The following SRPK1 variants were observed in gnomAD, a reference collection of about 807,000 sequenced individuals.
The protein encoded by SRPK1 is SFRS protein kinase 1.
In SRPK1, 52 loss-of-function variants were observed where a neutral mutation model predicts 89.5. The observed-to-expected ratio is 0.58, with a 90% CI of 0.46 to 0.73. SRPK1 has a LOEUF of 0.73. SRPK1 is among the 30% of genes least tolerant of loss of function. SRPK1 has a pLI of 0.00. For missense variants in SRPK1, 603 were observed against 780.6 expected (o/e 0.77, Z 2.71); for synonymous variants, 255 against 270.2 (o/e 0.94, Z 0.55).
At chr6:35,867,149 A>G (rs1322064972) in intron 12 of SRPK1, among the ~76,000 whole-genome samples, 1 of 152,194 alleles carries the variant, frequency 6.6e-6, no homozygotes, top group Non-Finnish European at 1.5e-5. Flanking sequence ...TACCTCATGA[A>G]CATATACAAA....
At chr6:35,858,170 T>C (rs1292738163) in intron 12 of SRPK1, among the ~76,000 whole-genome samples, 1 of 152,222 alleles carries the variant, frequency 6.6e-6, no homozygotes, top group African/African-American at 2.4e-5. Context: ...CCATTTATTA[T>C]ACTAGTGTCA....
At chr6:35,858,352 A>G (rs1581999218) in intron 12 of SRPK1, among the ~76,000 whole-genome samples, 1 of 152,138 alleles carries the variant, frequency 6.6e-6, no homozygotes, top group South Asian at 2.1e-4. Flanking sequence ...AAAAAAAAAA[A>G]TTAAGATGCA....
chr6:35,870,224 TGA>T, intron 10 of SRPK1, 55 bp downstream of exon 10: 1 of 1,473,626 alleles, frequency 6.8e-7, no homozygotes, highest in Non-Finnish European at 9.3e-7. Context: ...TATATAGCAA[TGA>T]TAAATTAACG....
intron 12 of SRPK1, among the ~76,000 whole-genome samples, chr6:35,861,829 C>A (rs1769789030): frequency 2.6e-5 from 4 of 152,186 alleles, no homozygotes; most frequent in Admixed American, 2.6e-4. Flanking sequence ...CCCACAGTTT[C>A]TTGCCCATGC....
intron 2 of SRPK1, among the ~76,000 whole-genome samples, chr6:35,901,791 A>AT (rs35194167): frequency 6.6e-6 from 1 of 152,096 alleles, no homozygotes; most frequent in South Asian, 2.1e-4. Flanking sequence ...TTCCTGAAAG[A>AT]TTTTTTTCTT....
chr6:35,880,168 T>TA (rs200976261), intron 6 of SRPK1, among the ~76,000 whole-genome samples: 75 of 132,964 alleles, frequency 5.6e-4, no homozygotes, highest in African/African-American at 1.2e-3. Context: ...TTAATGAGGA[T>TA]AAAAAAAAAA....
intron 2 of SRPK1, among the ~76,000 whole-genome samples, chr6:35,903,786 C>A (rs1194773254): frequency 6.6e-6 from 1 of 152,018 alleles, no homozygotes; most frequent in East Asian, 1.9e-4. Context: ...CAATATTGTT[C>A]AAGGCATTTA....
At chr6:35,917,551 A>G (rs1771138153) in intron 2 of SRPK1, among the ~76,000 whole-genome samples, 2 of 152,228 alleles carry the variant, frequency 1.3e-5, no homozygotes, top group South Asian at 2.1e-4. Flanking sequence ...AAAATCCCAA[A>G]GTCAAATACT....
chr6:35,845,426 C>T lies in SRPK1; in HGVS notation c.1621-2822G>A, dbSNP rs149919422. Among the ~76,000 whole-genome samples, 263 of 152,284 alleles carry T rather than the reference C, an allele frequency of 1.7e-3. 6 individuals are homozygous for T. The South Asian group carries it at 0.026, about 15-fold the overall frequency. On this transcript the variant is annotated intron_variant, in intron 13 of 15. Transcript: ENST00000373825. ...CTAAAACTGCTCTAAAAAATAAAGTCTATTAAGAAACAAACCCAAATAAAA... is the reference window on the plus strand; with the variant it reads ...CTAAAACTGCTCTAAAAAATAAAGTTTATTAAGAAACAAACCCAAATAAAA...
chr6:35,921,052 TC>T lies in SRPK1; in HGVS notation c.4del (p.Glu2SerfsTer69). The T allele has an allele frequency of 6.5e-7, 1 of 1,541,182 alleles. No individual in the cohort carries two copies. The highest frequency in any genetic ancestry group is 8.7e-7 in the Non-Finnish European group (1 of 1,145,906). On this transcript the variant is annotated frameshift_variant, in exon 1 of 16. Coordinates refer to ENST00000373825, the MANE Select transcript of SRPK1 (RefSeq NM_003137.5). LOFTEE classifies it high-confidence loss of function. ...GCCGCTCCACCGCTCACCTTTCCGC[TC>T]CATGGTGAGACCGGTAATCGCCAGG... M[E>X]RKVLALQARK...
intron 6 of SRPK1, among the ~76,000 whole-genome samples, chr6:35,881,501 C>T (rs551184388): frequency 6.6e-6 from 1 of 151,396 alleles, no homozygotes; most frequent in East Asian, 2.0e-4. Context: ...ATGCTGTCTA[C>T]AAGAGACTCA....
chr6:35,876,000 C>T (rs957535811), intron 6 of SRPK1, among the ~76,000 whole-genome samples: 3 of 147,092 alleles, frequency 2.0e-5, no homozygotes, highest in East Asian at 2.0e-4. Context: ...TTGACAAACA[C>T]GGTTAACCTG....
rs112630490 is a variant in SRPK1 at position 35,861,172 on chromosome 6, C to A, written c.1513-3804G>T. 8.0e-3 allele frequency among the ~76,000 whole-genome samples: 1,223 copies of A among 152,214 alleles called. 12 individuals carry two copies. Among genetic ancestry groups the A allele is most frequent in the Non-Finnish European group, 0.013 (883 of 68,016 alleles). On this transcript the variant is annotated intron_variant, in intron 12 of 15. Transcript: ENST00000373825. ...GTCCAGGAAGGAATGCTAAGATTCA[C>A]CAGAGAAGTGATAGGAAGCACCAGA...
At chr6:35,869,945 G>A in intron 10 of SRPK1, 44 bp from the exon 11 acceptor site, 3 of 1,492,944 alleles carry the variant, frequency 2.0e-6, no homozygotes, top group Non-Finnish European at 2.7e-6. Context: ...ATATGTGTGT[G>A]AGTGAAAGAA....
chr6:35,901,077 T>G (rs1339761747), intron 2 of SRPK1, among the ~76,000 whole-genome samples: 1 of 152,220 alleles, frequency 6.6e-6, no homozygotes, highest in East Asian at 1.9e-4. Flanking sequence ...TTTAGTTTAC[T>G]TACATATAAA....
chr6:35,898,766 C>CA (rs1324578486), intron 2 of SRPK1, among the ~76,000 whole-genome samples: 12 of 151,940 alleles, frequency 7.9e-5, no homozygotes, highest in African/African-American at 2.4e-4. Flanking sequence ...CAGGTTCTTC[C>CA]AGTGTCAAGC....
At chr6:35,855,279 G>A (rs1342551725) in intron 13 of SRPK1, among the ~76,000 whole-genome samples, 1 of 151,908 alleles carries the variant, frequency 6.6e-6, no homozygotes, top group Non-Finnish European at 1.5e-5. Flanking sequence ...TCCAGCTTGG[G>A]TGACAGAGCA....
intron 2 of SRPK1, chr6:35,895,834 TG>T (rs1417923166): frequency 6.6e-6 from 1 of 152,222 alleles, no homozygotes; most frequent in Non-Finnish European, 1.5e-5. Context: ...GACCATGCTT[TG>T]TTCATGCCTA....
rs145428431 is a variant in SRPK1, at chr6:35,852,644, G to A, written c.1620+4617C>T. ...ATAACCACCTGCAGACATTTCTGCC[G>A]TTTCATTCGGGCAGCTCAGATTGGG... On this transcript the variant is annotated intron_variant, in intron 13 of 15. Coordinates refer to ENST00000373825, the MANE Select transcript of SRPK1 (RefSeq NM_003137.5). Among the ~76,000 whole-genome samples the A allele has an allele frequency of 5.9e-5, 9 of 152,314 alleles. No homozygotes were observed. In the East Asian group the frequency reaches 7.7e-4, roughly 13 times the overall value.
Sources: gnomAD v4.1 joint callset for allele counts (sites outside exome capture counted in the v4.1 genomes callset) on GRCh38, gnomAD v4.1.1 for gene constraint, MANE v1.5 for transcripts, NCBI Gene and HGNC (gene_info 2026-07-23, HGNC 2026-07-21) for gene names.